Variants in ANKRD30BL observed in about 807,000 individuals in gnomAD.
ANKRD30BL encodes the protein putative ankyrin repeat domain-containing protein 30B-like.
A neutral mutation model predicts 18.4 loss-of-function variants in ANKRD30BL; 20 were observed. The ratio of observed to expected loss-of-function variants is 1.09; its 90% CI spans 0.77 to 1.58. ANKRD30BL has a LOEUF of 1.58. Among genes scored for constraint, ANKRD30BL ranks in the 40% most tolerant of loss-of-function variants. ANKRD30BL has a pLI of 0.00. For synonymous variants in ANKRD30BL, 72 were observed against 100.9 expected (o/e 0.71, Z 1.72); for missense variants, 224 against 268.6 (o/e 0.83, Z 1.16).
At chr2:132,232,393 T>A (rs1045819662) in intron 1 of ANKRD30BL, among the ~76,000 whole-genome samples, 3 of 152,092 alleles carry the variant, frequency 2.0e-5, no homozygotes, top group Admixed American at 6.6e-5. Flanking sequence ...CTCTGAGCTA[T>A]GGGAGGACAT....
At chr2:132,231,292 C>A (rs946847651) in intron 1 of ANKRD30BL, among the ~76,000 whole-genome samples, 6 of 152,180 alleles carry the variant, frequency 3.9e-5, no homozygotes, top group African/African-American at 1.4e-4. Flanking sequence ...ATTTGGACCG[C>A]TTTGAGGCCT....
intron 1 of ANKRD30BL, among the ~76,000 whole-genome samples, chr2:132,238,630 T>A (rs796364263): frequency 6.6e-6 from 1 of 151,856 alleles, no homozygotes; most frequent in East Asian, 1.9e-4. Context: ...CCATAAAAAC[T>A]AGACAGAAGC....
rs562876334 is a variant in ANKRD30BL, at chr2:132,252,913, A to G, written n.441+4616T>C. Among the ~76,000 whole-genome samples the G allele has an allele frequency of 2.1e-3, 318 of 151,812 alleles. 3 individuals are homozygous for G. The highest frequency in any genetic ancestry group is 7.2e-3 in the African/African-American group (299 of 41,428). On this transcript the variant is annotated intron_variant and non_coding_transcript_variant, in intron 1 of 4. Coordinates refer to the ANKRD30BL transcript ENST00000470729. ...CCGGCTATCTTCCCTTTCTATTTTC[A>G]TGGGTGGCGGTGCTGCCCTCTCTCT...
At chr2:132,228,599 T>C (rs59200778) in intron 1 of ANKRD30BL, among the ~76,000 whole-genome samples, 1 of 148,340 alleles carries the variant, frequency 6.7e-6, no homozygotes, top group East Asian at 2.0e-4. Flanking sequence ...AAGTAAATAT[T>C]TTCACATAGA....
chr2:132,150,310 GT>G (rs1339690630), intron 5 of ANKRD30BL, among the ~76,000 whole-genome samples: 1 of 132,392 alleles, frequency 7.6e-6, no homozygotes, highest in African/African-American at 3.7e-5. Context: ...ACAAATATTT[GT>G]TTATTTAACA....
At chr2:132,232,408 G>A (rs190841316) in intron 1 of ANKRD30BL, among the ~76,000 whole-genome samples, 7 of 152,078 alleles carry the variant, frequency 4.6e-5, no homozygotes, top group Non-Finnish European at 7.4e-5. Context: ...GGACATTCAA[G>A]CCAAAGGCAA....
At chr2:132,201,459 A>G (rs894614696) in intron 1 of ANKRD30BL, among the ~76,000 whole-genome samples, 3 of 152,298 alleles carry the variant, frequency 2.0e-5, no homozygotes, top group Middle Eastern at 3.4e-3. Flanking sequence ...GAAAAAAACA[A>G]CCCCATCAAA....
chr2:132,233,382 C>T (rs1680073213), intron 1 of ANKRD30BL, among the ~76,000 whole-genome samples: 2 of 143,242 alleles, frequency 1.4e-5, no homozygotes, highest in South Asian at 2.4e-4. Context: ...TTAAAAGACA[C>T]AGACTGGCAA....
In ANKRD30BL at chr2:132,251,735, T is replaced by C. The variant is rs552741691; in HGVS notation, n.441+5794A>G. Reference sequence around the variant, plus strand: ...ATACCAAACAAAACAATTCCATTCATTTTTTTCCACAGCTTGGTTTTCACT... The same window carrying C: ...ATACCAAACAAAACAATTCCATTCACTTTTTTCCACAGCTTGGTTTTCACT... On this transcript the variant is annotated intron_variant and non_coding_transcript_variant, in intron 1 of 4. Coordinates refer to the ANKRD30BL transcript ENST00000470729. Among the ~76,000 whole-genome samples the C allele has an allele frequency of 2.0e-5, 3 of 152,330 alleles. No individual in the cohort carries two copies. The East Asian group carries it at 5.8e-4, about 29-fold the overall frequency.
chr2:132,218,900 A>G (rs1679588767), intron 1 of ANKRD30BL, among the ~76,000 whole-genome samples: 1 of 152,130 alleles, frequency 6.6e-6, no homozygotes, highest in Admixed American at 6.6e-5. Flanking sequence ...AGCTGATTTT[A>G]AACACTCTTT....
At chr2:132,193,517 G>T (rs1453868362) in intron 1 of ANKRD30BL, among the ~76,000 whole-genome samples, 1 of 151,980 alleles carries the variant, frequency 6.6e-6, no homozygotes, top group Non-Finnish European at 1.5e-5. Context: ...TCTGACCAGG[G>T]TTCCTTGTTC....
intron 1 of ANKRD30BL, among the ~76,000 whole-genome samples, chr2:132,192,921 T>C (rs1438381836): frequency 6.6e-6 from 1 of 152,196 alleles, no homozygotes; most frequent in African/African-American, 2.4e-5. Flanking sequence ...TAAACAGATT[T>C]CTTTGCCGTA....
intron 1 of ANKRD30BL, among the ~76,000 whole-genome samples, chr2:132,226,455 C>G (rs879107094): frequency 6.6e-6 from 1 of 151,352 alleles, no homozygotes; most frequent in Admixed American, 6.6e-5. Flanking sequence ...TTTACAGACA[C>G]TCTTTTTGTA....
At chr2:132,231,658 T>C (rs1052087758) in intron 1 of ANKRD30BL, among the ~76,000 whole-genome samples, 1 of 151,970 alleles carries the variant, frequency 6.6e-6, no homozygotes, top group Admixed American at 6.6e-5. Context: ...CACCACGAGA[T>C]TATATCCCGC....
Position 132,150,943 on chromosome 2 carries a change from C to A in ANKRD30BL, c.648G>T (p.Lys216Asn). 1 of 619,074 alleles carries A rather than the reference C, an allele frequency of 1.6e-6. No homozygotes were observed. The highest frequency in any genetic ancestry group is 2.9e-6 in the Non-Finnish European group (1 of 346,104). The allele number at this position is 619,074 out of a possible 1,614,324, so 38.3% of individuals were successfully genotyped here. A position where few individuals can be genotyped will look rare whatever the true frequency, so the allele number is the denominator to read the frequency against. Reference sequence around the variant, plus strand: ...TACTATTTTGAGAATTTTTAGATATCTTTTGTTTATATTCCAAAAGTTGTT... The same window carrying A: ...TACTATTTTGAGAATTTTTAGATATATTTTGTTTATATTCCAAAAGTTGTT... ...VHQQLLEYKQ[K>N]ISKNSQNSNP... The change falls in exon 5 of 6, where the codon AAG becomes AAT. Residue 216 changes from lysine (K) to asparagine (N), a missense_variant. Physicochemically the swap from Lys to Asn is moderately conservative, Grantham distance 94. Around this residue, in one of 3 missense-constraint regions of ANKRD30BL, gnomAD observed 63 missense variants for 62.3 expected, o/e 1.01. Transcript: ENST00000409867.
At chr2:132,219,033 T>A (rs1229182675) in intron 1 of ANKRD30BL, among the ~76,000 whole-genome samples, 1 of 152,138 alleles carries the variant, frequency 6.6e-6, no homozygotes, top group Non-Finnish European at 1.5e-5. Flanking sequence ...TGCATTCAAC[T>A]CACAGAGTTG....
intron 5 of ANKRD30BL, among the ~76,000 whole-genome samples, chr2:132,148,524 C>A (rs1687675057): frequency 1.3e-5 from 2 of 151,640 alleles, no homozygotes; most frequent in South Asian, 2.1e-4. Context: ...TGCATGCCAC[C>A]CAGGCCCAGC....
intron 1 of ANKRD30BL, among the ~76,000 whole-genome samples, chr2:132,180,432 A>G (rs1688441551): frequency 6.6e-6 from 1 of 152,232 alleles, no homozygotes; most frequent in Admixed American, 6.5e-5. Context: ...CACAATAACA[A>G]AACTGCTTAA....
chr2:132,252,888 C>A (rs1680696077), intron 1 of ANKRD30BL, among the ~76,000 whole-genome samples: 1 of 152,170 alleles, frequency 6.6e-6, no homozygotes, highest in Non-Finnish European at 1.5e-5. Flanking sequence ...TCGGCTGCAG[C>A]CGGCTATCTT....
Sources: gnomAD v4.1 joint callset for allele counts (sites outside exome capture counted in the v4.1 genomes callset) on GRCh38, gnomAD v4.1.1 for gene constraint, gnomAD v4.1.1 regional missense constraint, MANE v1.5 for transcripts, NCBI Gene and HGNC (gene_info 2026-07-23, HGNC 2026-07-21) for gene names.